PIEZO2: variants seen among roughly 807,000 people sequenced by gnomAD.
The protein encoded by PIEZO2 is piezo-type mechanosensitive ion channel component 2.
PIEZO2 carries 172 observed loss-of-function variants against 337.3 expected under a neutral mutation model. The ratio of observed to expected loss-of-function variants is 0.51; its 90% CI spans 0.45 to 0.58. The LOEUF (loss-of-function observed/expected upper bound fraction) is 0.58, where lower values mean the gene tolerates loss of function less well. Among genes scored for constraint, PIEZO2 ranks in the 20% least tolerant of loss-of-function variants. The pLI, the probability that PIEZO2 is intolerant of heterozygous loss-of-function variation, is 0.00. For synonymous variants in PIEZO2, 1,251 were observed against 1,228.5 expected, an observed-to-expected ratio of 1.02 and a Z score of -0.38; for missense variants, 3,028 against 3,391.3, an observed-to-expected ratio of 0.89 and a Z score of 2.66.
intron 7 of PIEZO2, among the ~76,000 whole-genome samples, chr18:10,809,033 A>C (rs1473013442): frequency 6.6e-6 from 1 of 152,182 alleles, no homozygotes; most frequent in Non-Finnish European, 1.5e-5. Flanking sequence ...GCTTCATATC[A>C]TATAGACATT....
At chr18:10,743,927 A>C (rs979479935) in intron 31 of PIEZO2, among the ~76,000 whole-genome samples, 12 of 152,272 alleles carry the variant, frequency 7.9e-5, no homozygotes, top group African/African-American at 2.9e-4. Context: ...GCCCACCTCC[A>C]CCATGCTGGA....
rs74568357 is a variant in PIEZO2, at chr18:10,837,698, C to T, written c.917+17655G>A. Among the ~76,000 whole-genome samples, 12 of 152,204 alleles carry T rather than the reference C, an allele frequency of 7.9e-5. No homozygotes were observed. The East Asian group carries it at 2.3e-3, about 29-fold the overall frequency. On this transcript the variant is annotated intron_variant, in intron 7 of 55. Coordinates refer to ENST00000674853, the MANE Select transcript of PIEZO2 (RefSeq NM_001378183.1). The surrounding 1 kb of genome is among the most constrained non-coding windows in gnomAD (Gnocchi z 4.4). ...AAAAAGGCATGGGTAGTCAGATATC[C>T]TCACAAAGCAATGTTTGTGTTCCCA...
At position 10,834,756 on chromosome 18, in the gene PIEZO2, G is replaced by A. The variant is rs2040954063; in HGVS notation, c.917+20597C>T. On this transcript the variant is annotated intron_variant, in intron 7 of 55. Coordinates refer to ENST00000674853, the MANE Select transcript of PIEZO2 (RefSeq NM_001378183.1). The surrounding 1 kb of genome is among the most constrained non-coding windows in gnomAD (Gnocchi z 4.5). ...AGGCCAGGCTTCCTAGAAAAGGCAG[G>A]GTGCCTAGAACACCAGCCTCAGAAA... Among the ~76,000 whole-genome samples, 1 of 152,114 alleles carries A rather than the reference G, an allele frequency of 6.6e-6. No homozygotes were observed. Among genetic ancestry groups the A allele is most frequent in the Non-Finnish European group, 1.5e-5 (1 of 68,010 alleles).
chr18:11,020,141 A>T (rs374437652), intron 2 of PIEZO2, among the ~76,000 whole-genome samples: 4 of 152,336 alleles, frequency 2.6e-5, no homozygotes, highest in East Asian at 1.9e-4. Context: ...AAATAGTCAC[A>T]CAATTCTTTC....
rs1333441460 is a variant in PIEZO2, at chr18:10,834,140, T to A, written c.917+21213A>T. On this transcript the variant is annotated intron_variant, in intron 7 of 55. Coordinates refer to ENST00000674853, the MANE Select transcript of PIEZO2 (RefSeq NM_001378183.1). The surrounding 1 kb of genome is among the most constrained non-coding windows in gnomAD (Gnocchi z 4.5). ...TCCATCACCTACAGCGTTGATCAGT[T>A]CCTTGTGTTAGGAACATTCCATTTC... Among the ~76,000 whole-genome samples, 1 of 152,232 alleles carries A rather than the reference T, an allele frequency of 6.6e-6. No homozygotes were observed. The highest frequency in any genetic ancestry group is 1.5e-5 in the Non-Finnish European group (1 of 68,042).
intron 47 of PIEZO2, 24 bp downstream of exon 47, chr18:10,696,050 G>C (rs1471884707): frequency 6.3e-7 from 1 of 1,594,208 alleles, no homozygotes; most frequent in Non-Finnish European, 8.6e-7. Flanking sequence ...GCAGGTTGGT[G>C]CCTCTGGCTT....
At chr18:10,692,783 T>A (rs950474802) in intron 47 of PIEZO2, among the ~76,000 whole-genome samples, 2 of 152,186 alleles carry the variant, frequency 1.3e-5, no homozygotes, top group Non-Finnish European at 2.9e-5. Context: ...ATAATAATGC[T>A]TGAGGGCAGG....
Position 11,110,071 on chromosome 18 carries a change from A to G in PIEZO2, c.64+38454T>C, listed in dbSNP as rs1230634732. Among the ~76,000 whole-genome samples the G allele has an allele frequency of 5.3e-5, 8 of 152,116 alleles. No individual in the cohort carries two copies. The highest frequency in any genetic ancestry group is 4.6e-4 in the Admixed American group (7 of 15,276). On this transcript the variant is annotated intron_variant, in intron 1 of 55. Transcript: ENST00000674853. This position sits in a 1 kb window ranked among gnomAD's most constrained non-coding sequence, Gnocchi z 4.2. ...AATGACAGGTTCAGGAGTAACTGCA[A>G]TGCTCTCATTTTCCCAAGACTACAA...
intron 3 of PIEZO2, among the ~76,000 whole-genome samples, chr18:10,963,940 G>A (rs747969269): frequency 1.8e-4 from 27 of 152,104 alleles, no homozygotes; most frequent in Non-Finnish European, 3.8e-4. Context: ...GTAGAAAGTG[G>A]AGAAAGAGAA....
rs2042121312 is a variant in PIEZO2, at chr18:10,870,825, G to A, written c.492+428C>T. 6.6e-6 allele frequency among the ~76,000 whole-genome samples: 1 copy of A among 152,176 alleles called. No homozygotes were observed. The highest frequency in any genetic ancestry group is 1.5e-5 in the Non-Finnish European group (1 of 68,038). On this transcript the variant is annotated intron_variant, in intron 5 of 55. Transcript: ENST00000674853. This position sits in a 1 kb window ranked among gnomAD's most constrained non-coding sequence, Gnocchi z 5.3. ...ACCAGTCCACTGAGCAGGACAAGGT[G>A]CACAGACTGGAAAGCTGCCCTGCAA... is the stretch of plus-strand genomic sequence containing the variant.
chr18:10,881,815 AC>A (rs1156922137), intron 4 of PIEZO2, among the ~76,000 whole-genome samples: 1 of 152,148 alleles, frequency 6.6e-6, no homozygotes, highest in African/African-American at 2.4e-5. Context: ...CATTAAAAAT[AC>A]CCCAAAACCT....
chr18:11,077,388 C>T lies in PIEZO2; in HGVS notation c.65-11166G>A, dbSNP rs1220197472. 6.6e-6 allele frequency among the ~76,000 whole-genome samples: 1 copy of T among 152,102 alleles called. No individual in the cohort carries two copies. Among genetic ancestry groups the T allele is most frequent in the East Asian group, 1.9e-4 (1 of 5,182 alleles). On this transcript the variant is annotated intron_variant, in intron 1 of 55. Transcript: ENST00000674853. This position sits in a 1 kb window ranked among gnomAD's most constrained non-coding sequence, Gnocchi z 4.8. ...CTGATTTAGAAATCACTAATCAGGC[C>T]AGGTGTGGTGGCTCATGCCTACAAT...
rs749359626 is a variant in PIEZO2 at position 10,707,040 on chromosome 18, T to A, written c.5588+1235A>T. ...GAAGAACCAGATTGGCCTGAGCTTT[T>A]GATGCCCGCTCAGGTGTTCAGAATC... is the stretch of plus-strand genomic sequence containing the variant. On this transcript the variant is annotated intron_variant, in intron 40 of 55. Transcript: ENST00000674853. The surrounding 1 kb of genome is among the most constrained non-coding windows in gnomAD (Gnocchi z 4.2). Among the ~76,000 whole-genome samples the A allele has an allele frequency of 5.9e-5, 9 of 152,200 alleles. No homozygotes were observed. The highest frequency in any genetic ancestry group is 1.3e-4 in the Non-Finnish European group (9 of 68,028).
chr18:10,791,466 C>A, intron 13 of PIEZO2, 142 bp from the exon 14 acceptor site: 4 of 915,910 alleles, frequency 4.4e-6, no homozygotes, highest in Non-Finnish European at 5.9e-6. Flanking sequence ...AGGTCACCTG[C>A]TTGACTTCAG....
At chr18:10,906,215 A>T (rs374176031) in intron 4 of PIEZO2, among the ~76,000 whole-genome samples, 4 of 152,250 alleles carry the variant, frequency 2.6e-5, no homozygotes, top group East Asian at 1.9e-4. Context: ...TCTTTGAAGG[A>T]GCAAGATATT....
Position 10,775,039 on chromosome 18 carries a change from C to T in PIEZO2, c.2535-1001G>A, listed in dbSNP as rs2038737674. Among the ~76,000 whole-genome samples the T allele has an allele frequency of 6.6e-6, 1 of 152,320 alleles. No homozygotes were observed. The highest frequency in any genetic ancestry group is 1.5e-5 in the Non-Finnish European group (1 of 68,038). ...CTGTCGTAAGGAATCCACATTGTCC[C>T]TACGCTTTTAGATTATCATTCAAAC... On this transcript the variant is annotated intron_variant, in intron 18 of 55. Transcript: ENST00000674853. The surrounding 1 kb of genome is among the most constrained non-coding windows in gnomAD (Gnocchi z 4.3).
rs1408649528 is a variant in PIEZO2 at position 10,791,183 on chromosome 18, A to T, written c.1882+18T>A. 6.5e-7 allele frequency: 1 copy of T among 1,526,958 alleles called. No homozygotes were observed. The highest frequency in any genetic ancestry group is 8.8e-7 in the Non-Finnish European group (1 of 1,141,832). 94.6% of individuals were successfully genotyped at this position (1,526,958 alleles called of 1,614,324 possible). On this transcript the variant is annotated intron_variant, in intron 14 of 55. Transcript: ENST00000674853. ...GCTGAGCACCAAACTCTCCAGCCAC[A>T]CATATACACTAATTTACCTTTTTCT... is the stretch of plus-strand genomic sequence containing the variant.
At position 11,069,380 on chromosome 18, in the gene PIEZO2, A is replaced by G. The variant is rs2038262229; in HGVS notation, c.65-3158T>C. Among the ~76,000 whole-genome samples the G allele has an allele frequency of 1.3e-5, 2 of 152,210 alleles. No individual in the cohort carries two copies. Among genetic ancestry groups the G allele is most frequent in the Admixed American group, 6.5e-5 (1 of 15,286 alleles). ...GATGCAAGAATGGTTCAACATACCT[A>G]TAGCTGTCAATGTGATACACCACAT... On this transcript the variant is annotated intron_variant, in intron 1 of 55. Transcript: ENST00000674853. The surrounding 1 kb of genome is among the most constrained non-coding windows in gnomAD (Gnocchi z 4.9).
chr18:11,039,885 C>A (rs2037057345), intron 2 of PIEZO2, among the ~76,000 whole-genome samples: 1 of 152,078 alleles, frequency 6.6e-6, no homozygotes, highest in Admixed American at 6.6e-5. Flanking sequence ...CTGATGCATT[C>A]TTACGAAAAG....
Sources: allele counts gnomAD v4.1 joint callset (sites outside exome capture counted in the v4.1 genomes callset), GRCh38; gene constraint gnomAD v4.1.1; non-coding constraint Gnocchi (gnomAD v3.1); transcripts MANE v1.5; gene names NCBI Gene and HGNC (gene_info 2026-07-23, HGNC 2026-07-21).